AKAP19: variants seen among roughly 807,000 people sequenced by gnomAD.
AKAP19 encodes the protein A-kinase anchoring protein 19.
the AKAP19 span, chr2:190,200,159 T>A: frequency 1.9e-6 from 3 of 1,610,226 alleles, 1 homozygote; most frequent in South Asian, 3.3e-5. Context: ...GGCTGTAGGA[T>A]GACAACACTT....
the AKAP19 span, among the ~76,000 whole-genome samples, chr2:190,153,147 G>C: frequency 6.6e-6 from 1 of 152,052 alleles, no homozygotes; most frequent in Non-Finnish European, 1.5e-5. Context: ...TGCCCACCTC[G>C]GCCTCCCAAA....
the AKAP19 span, among the ~76,000 whole-genome samples, chr2:190,148,319 C>T: frequency 0.92 from 139,988 of 152,276 alleles, 65,085 homozygotes; most frequent in East Asian, 1. Context: ...TATTGATTCA[C>T]ATATGTTAAA....
At chr2:190,124,364 A>C in the AKAP19 span, among the ~76,000 whole-genome samples, 1 of 152,366 alleles carries the variant, frequency 6.6e-6, no homozygotes, top group South Asian at 2.1e-4. Flanking sequence ...ATAGCCTATA[A>C]CTTCTAGTCT....
At chr2:190,128,764 C>A in the AKAP19 span, among the ~76,000 whole-genome samples, 1 of 152,112 alleles carries the variant, frequency 6.6e-6, no homozygotes, top group Non-Finnish European at 1.5e-5. Context: ...AACAACAAAA[C>A]CCTCAATGTA....
the AKAP19 span, among the ~76,000 whole-genome samples, chr2:189,943,382 A>G: frequency 1.3e-5 from 2 of 152,230 alleles, no homozygotes; most frequent in African/African-American, 4.8e-5. Context: ...TTGTAGGCAC[A>G]TAGAGTGCAA....
At chr2:190,004,687 C>T in the AKAP19 span, among the ~76,000 whole-genome samples, 5 of 151,906 alleles carry the variant, frequency 3.3e-5, no homozygotes, top group Admixed American at 6.6e-5. Context: ...TTCACGGAAC[C>T]TTGCCCTCCC....
At chr2:189,970,621 T>G in the AKAP19 span, among the ~76,000 whole-genome samples, 2 of 152,232 alleles carry the variant, frequency 1.3e-5, no homozygotes, top group Non-Finnish European at 2.9e-5. Flanking sequence ...TCTGTTTTTC[T>G]GTTGATAGCA....
chr2:190,118,414 A>G, the AKAP19 span, among the ~76,000 whole-genome samples: 1 of 152,238 alleles, frequency 6.6e-6, no homozygotes, highest in South Asian at 2.1e-4. Context: ...GACACAACAA[A>G]AAAAGAGAAT....
At chr2:190,136,939 G>A in the AKAP19 span, among the ~76,000 whole-genome samples, 1 of 152,184 alleles carries the variant, frequency 6.6e-6, no homozygotes, top group South Asian at 2.1e-4. Flanking sequence ...TGGCAAAAAT[G>A]GGAATATGGT....
the AKAP19 span, among the ~76,000 whole-genome samples, chr2:189,911,101 G>A: frequency 6.6e-6 from 1 of 152,028 alleles, no homozygotes; most frequent in South Asian, 2.1e-4. Context: ...GGAAAGAAAG[G>A]TGGAAGGAAA....
the AKAP19 span, among the ~76,000 whole-genome samples, chr2:189,997,852 G>A: frequency 4.3e-3 from 649 of 152,118 alleles, 4 homozygotes; most frequent in African/African-American, 0.015. Context: ...TACAAAGTTC[G>A]GTTGAAAGTT....
chr2:189,931,386 G>C, the AKAP19 span, among the ~76,000 whole-genome samples: 1 of 152,074 alleles, frequency 6.6e-6, no homozygotes, highest in African/African-American at 2.4e-5. Context: ...TTTGAAGACA[G>C]AGTCGCACTC....
At chr2:189,887,898 G>T in the AKAP19 span, among the ~76,000 whole-genome samples, 1 of 151,790 alleles carries the variant, frequency 6.6e-6, no homozygotes, top group Admixed American at 6.6e-5. Context: ...TTCTCCCATT[G>T]TGTAGGTTGC....
the AKAP19 span, among the ~76,000 whole-genome samples, chr2:189,905,570 T>G: frequency 6.6e-6 from 1 of 152,046 alleles, no homozygotes; most frequent in East Asian, 1.9e-4. Flanking sequence ...TAGATTACCT[T>G]GAATTCATTA....
chr2:189,973,497 A>C, the AKAP19 span, among the ~76,000 whole-genome samples: 1 of 152,214 alleles, frequency 6.6e-6, no homozygotes, highest in Non-Finnish European at 1.5e-5. Flanking sequence ...TGCTGGCCTC[A>C]TAAAATGAGT....
chr2:190,116,125 T>C, the AKAP19 span, among the ~76,000 whole-genome samples: 1 of 152,232 alleles, frequency 6.6e-6, no homozygotes, highest in Non-Finnish European at 1.5e-5. Context: ...CCTCCAGTAT[T>C]GTGATATCAC....
At chr2:190,000,189 A>G in the AKAP19 span, among the ~76,000 whole-genome samples, 1 of 152,186 alleles carries the variant, frequency 6.6e-6, no homozygotes, top group Non-Finnish European at 1.5e-5. Flanking sequence ...CCTACTAATT[A>G]TATTTCCTGG....
chr2:190,065,904 C>T, the AKAP19 span, among the ~76,000 whole-genome samples: 2 of 152,106 alleles, frequency 1.3e-5, no homozygotes, highest in Non-Finnish European at 2.9e-5. Flanking sequence ...CCTGAGGCCC[C>T]AGAATAGAAG....
At chr2:190,094,405 A>G in the AKAP19 span, among the ~76,000 whole-genome samples, 1 of 152,192 alleles carries the variant, frequency 6.6e-6, no homozygotes, top group Non-Finnish European at 1.5e-5. Flanking sequence ...GAGCTTCTGA[A>G]AAGTTAAATC....
Sources: allele counts gnomAD v4.1 joint callset (sites outside exome capture counted in the v4.1 genomes callset), GRCh38; gene constraint gnomAD v4.1.1; transcripts MANE v1.5; gene names NCBI Gene and HGNC (gene_info 2026-07-23, HGNC 2026-07-21).